OR2L3: variants seen among roughly 807,000 people sequenced by gnomAD.
OR2L3 encodes olfactory receptor family 2 subfamily L member 3.
For missense variants in OR2L3, 369 were observed against 376.6 expected, an observed-to-expected ratio of 0.98 and a Z score of 0.17; for synonymous variants, 131 against 139.1, an observed-to-expected ratio of 0.94 and a Z score of 0.41.
chr1:248,056,017 G>A (rs1173012448), intron 1 of OR2L3: 1 of 152,102 alleles, frequency 6.6e-6, no homozygotes, highest in Admixed American at 6.5e-5. Flanking sequence ...ATGTGTCCAG[G>A]AATTTATCCA....
chr1:248,061,734 G>A lies in OR2L3; in HGVS notation c.*114G>A, dbSNP rs1430058792. 4.0e-6 allele frequency: 4 copies of A among 1,000,986 alleles called. No individual in the cohort carries two copies. Among genetic ancestry groups the A allele is most frequent in the Middle Eastern group, 2.9e-4 (1 of 3,414 alleles). The allele number at this position is 1,000,986 out of a possible 1,614,324, so 62.0% of individuals were successfully genotyped here. On this transcript the variant is annotated 3_prime_UTR_variant, in exon 2 of 2. Coordinates refer to ENST00000359959, the MANE Select transcript of OR2L3 (RefSeq NM_001004687.2). Reference sequence around the variant, plus strand: ...CAGGAGCTAAAAGTAATCAAGGTAAGAGAAAAAAATCACTGATTTCTGGAC... The same window carrying A: ...CAGGAGCTAAAAGTAATCAAGGTAAAAGAAAAAAATCACTGATTTCTGGAC...
intron 1 of OR2L3, among the ~76,000 whole-genome samples, chr1:248,047,292 A>T (rs1012871717): frequency 6.6e-6 from 1 of 152,268 alleles, no homozygotes; most frequent in Non-Finnish European, 1.5e-5. Context: ...GAGTGATTAT[A>T]TGATGCTCAT....
At chr1:248,054,784 T>C (rs1663379191) in intron 1 of OR2L3, among the ~76,000 whole-genome samples, 1 of 152,244 alleles carries the variant, frequency 6.6e-6, no homozygotes, top group Non-Finnish European at 1.5e-5. Flanking sequence ...TTTCTGCACA[T>C]TGATTTTGTA....
At chr1:248,049,819 G>A (rs536034232) in intron 1 of OR2L3, among the ~76,000 whole-genome samples, 1 of 151,968 alleles carries the variant, frequency 6.6e-6, no homozygotes, top group Non-Finnish European at 1.5e-5. Context: ...AATTTTGAGG[G>A]ATGAACTACA....
chr1:248,050,659 T>C (rs1663235698), intron 1 of OR2L3, among the ~76,000 whole-genome samples: 1 of 152,156 alleles, frequency 6.6e-6, no homozygotes. Flanking sequence ...CTTGGACAGT[T>C]TGTCATAGAG....
chr1:248,057,786 C>G (rs1282554306), intron 1 of OR2L3, among the ~76,000 whole-genome samples: 2 of 151,984 alleles, frequency 1.3e-5, no homozygotes, highest in Non-Finnish European at 2.9e-5. Flanking sequence ...GTGTAGTTTT[C>G]AGATTGTTCT....
Position 248,060,648 on chromosome 1 carries a change from T to G in OR2L3, c.-21-13T>G, listed in dbSNP as rs770298027. 5.9e-6 allele frequency: 9 copies of G among 1,538,358 alleles called. No individual in the cohort carries two copies. Among genetic ancestry groups the G allele is most frequent in the Non-Finnish European group, 7.1e-6 (8 of 1,123,336 alleles). ...AATTTCTGTGCTTAACTTACCCTTG[T>G]GTCTCCCTTCAGGAAAGAGCACACG... On this transcript the variant is annotated splice_polypyrimidine_tract_variant and intron_variant, in intron 1 of 1. Transcript: ENST00000359959.
rs776300122 is a variant in OR2L3, at chr1:248,061,676, T to C, written c.*56T>C. The C allele has an allele frequency of 9.9e-6, 14 of 1,417,272 alleles. No individual in the cohort carries two copies. Among genetic ancestry groups the C allele is most frequent in the Middle Eastern group, 1.8e-4 (1 of 5,434 alleles). The allele number at this position is 1,417,272 out of a possible 1,614,324, so 87.8% of individuals were successfully genotyped here. On this transcript the variant is annotated 3_prime_UTR_variant, in exon 2 of 2. Coordinates refer to ENST00000359959, the MANE Select transcript of OR2L3 (RefSeq NM_001004687.2). Reference sequence around the variant, plus strand: ...AGATACACATCCATCCAGCAGTGTATAGTAATTAAAATATTATTTCAATCC... The same window carrying C: ...AGATACACATCCATCCAGCAGTGTACAGTAATTAAAATATTATTTCAATCC...
intron 1 of OR2L3, among the ~76,000 whole-genome samples, chr1:248,058,590 C>A (rs1387899635): frequency 6.6e-6 from 1 of 151,710 alleles, no homozygotes; most frequent in Admixed American, 6.6e-5. Flanking sequence ...TAGAATTTGT[C>A]TTGTGGGTAA....
rs781320723 is a variant in OR2L3 at position 248,060,696 on chromosome 1, T to G, written c.15T>G (p.Asn5Lys). Residue 5 changes from asparagine (N) to lysine (K), a missense_variant, in exon 2 of 2, where the codon AAT (asparagine) becomes AAG (lysine). Asn to Lys is a moderately conservative substitution (Grantham distance 94, BLOSUM62 0). Transcript: ENST00000359959. MENYNQTSTDFILLG... is the reference protein window; with the variant it reads MENYKQTSTDFILLG... Reference sequence around the variant, plus strand: ...ACGAATGCCCCATGGAAAATTACAATCAAACATCAACTGATTTCATCTTAT... The same window carrying G: ...ACGAATGCCCCATGGAAAATTACAAGCAAACATCAACTGATTTCATCTTAT... 1.9e-5 allele frequency: 31 copies of G among 1,612,464 alleles called. No individual in the cohort carries two copies. The highest frequency in any genetic ancestry group is 2.6e-5 in the Non-Finnish European group (31 of 1,178,916).
rs143665018 is a variant in OR2L3, at chr1:248,056,897, G to C, written c.-21-3764G>C. 3.2e-3 allele frequency among the ~76,000 whole-genome samples: 479 copies of C among 151,934 alleles called. 8 individuals carry two copies. Among genetic ancestry groups the C allele is most frequent in the African/African-American group, 0.011 (448 of 41,434 alleles). On this transcript the variant is annotated intron_variant, in intron 1 of 1. Transcript: ENST00000359959. ...ACTCCTGAGCTCAGGCAATCTGCCCGCCTTGGCCTCCCAAAGTGCTGGGAT... is the reference window on the plus strand; with the variant it reads ...ACTCCTGAGCTCAGGCAATCTGCCCCCCTTGGCCTCCCAAAGTGCTGGGAT...
rs36123035 is a variant in OR2L3 at position 248,056,672 on chromosome 1, CT to C, written c.-21-3974del. 6.9e-3 allele frequency among the ~76,000 whole-genome samples: 934 copies of C among 135,026 alleles called. 17 individuals carry two copies. The highest frequency in any genetic ancestry group is 0.023 in the African/African-American group (831 of 36,052). 88.6% of individuals were successfully genotyped at this position (135,026 alleles called of 152,430 possible). On this transcript the variant is annotated intron_variant, in intron 1 of 1. Transcript: ENST00000359959. ...CTGTAGTTGTGTGGTTTTGAGGGGG[CT>C]TTTTTTTTTTTTTTAGATGGCTGGA...
At position 248,061,303 on chromosome 1, in the gene OR2L3, T is replaced by A; in HGVS notation, c.622T>A (p.Phe208Ile). ...VFLSTTIFLVFPFIAISCSYG... is the reference protein window; with the variant it reads ...VFLSTTIFLVIPFIAISCSYG... ...TTTGAGCACCACCATCTTTCTCGTG[T>A]TTCCCTTCATTGCTATTTCATGTTC... The change falls in exon 2 of 2, where the codon TTT (phenylalanine) becomes ATT (isoleucine). Residue 208 changes from phenylalanine to isoleucine, a missense_variant. Physicochemically the swap from Phe to Ile is conservative, Grantham distance 21 (BLOSUM62 0). Transcript: ENST00000359959. 1 of 1,613,018 alleles carries A rather than the reference T, an allele frequency of 6.2e-7. No homozygotes were observed. The highest frequency in any genetic ancestry group is 8.5e-7 in the Non-Finnish European group (1 of 1,179,648).
Position 248,061,784 on chromosome 1 carries a change from T to C in OR2L3, c.*164T>C. ...CAAAATTGTTTTACATATATATGTATATATAACTCCAAACAACCTTTTTTC... is the reference window on the plus strand; with the variant it reads ...CAAAATTGTTTTACATATATATGTACATATAACTCCAAACAACCTTTTTTC... On this transcript the variant is annotated 3_prime_UTR_variant, in exon 2 of 2. Coordinates refer to ENST00000359959, the MANE Select transcript of OR2L3 (RefSeq NM_001004687.2). 1.9e-6 allele frequency: 1 copy of C among 531,530 alleles called. No individual in the cohort carries two copies. The highest frequency in any genetic ancestry group is 3.1e-6 in the Non-Finnish European group (1 of 326,672). 32.9% of individuals were successfully genotyped at this position (531,530 alleles called of 1,614,324 possible). A position where few individuals can be genotyped will look rare whatever the true frequency, so the allele number is the denominator to read the frequency against.
chr1:248,059,247 C>A (rs1663539042), intron 1 of OR2L3, among the ~76,000 whole-genome samples: 1 of 152,062 alleles, frequency 6.6e-6, no homozygotes, highest in South Asian at 2.1e-4. Context: ...AATATTTAAG[C>A]CTAAAAAACT....
Position 248,061,639 on chromosome 1 carries a change from G to T in OR2L3, c.*19G>T, listed in dbSNP as rs1477508790. On this transcript the variant is annotated 3_prime_UTR_variant, in exon 2 of 2. Coordinates refer to ENST00000359959, the MANE Select transcript of OR2L3 (RefSeq NM_001004687.2). ...AATGTAGAAACATTTTCTACCTAAG[G>T]TCTCAGGACTCAGATACACATCCAT... 4.4e-6 allele frequency: 7 copies of T among 1,596,234 alleles called. No homozygotes were observed. Among genetic ancestry groups the T allele is most frequent in the Non-Finnish European group, 6.0e-6 (7 of 1,170,360 alleles).
intron 1 of OR2L3, among the ~76,000 whole-genome samples, chr1:248,049,917 T>C (rs1413127552): frequency 2.0e-5 from 3 of 152,194 alleles, no homozygotes; most frequent in Non-Finnish European, 4.4e-5. Context: ...TATATGTATA[T>C]ATGCATATAT....
At chr1:248,060,282 A>T (rs1663580363) in intron 1 of OR2L3, among the ~76,000 whole-genome samples, 1 of 152,166 alleles carries the variant, frequency 6.6e-6, no homozygotes. Context: ...AATATCTGGT[A>T]ACAAATGTTG....
chr1:248,062,702 T>C lies in OR2L3; in HGVS notation c.*1082T>C, dbSNP rs912488877. 7 of 152,192 alleles carry C rather than the reference T, an allele frequency of 4.6e-5. No individual in the cohort carries two copies. Among genetic ancestry groups the C allele is most frequent in the African/African-American group, 1.4e-4 (6 of 41,446 alleles). The allele number at this position is 152,192 out of a possible 1,614,324, so 9.4% of individuals were successfully genotyped here. On this transcript the variant is annotated 3_prime_UTR_variant, in exon 2 of 2. Coordinates refer to ENST00000359959, the MANE Select transcript of OR2L3 (RefSeq NM_001004687.2). Reference sequence around the variant, plus strand: ...AACAATAATTTATTGTAGAATTTATTGTATGTATTAAAGAATAACTGAAAG... The same window carrying C: ...AACAATAATTTATTGTAGAATTTATCGTATGTATTAAAGAATAACTGAAAG...
Sources: gnomAD v4.1 joint callset for allele counts (sites outside exome capture counted in the v4.1 genomes callset) on GRCh38, gnomAD v4.1.1 for gene constraint, MANE v1.5 for transcripts, NCBI Gene and HGNC (gene_info 2026-07-23, HGNC 2026-07-21) for gene names.